SEZ6L: variants seen among roughly 807,000 people sequenced by gnomAD.
SEZ6L encodes the protein seizure 6-like protein.
In SEZ6L, 37 loss-of-function variants were observed where a neutral mutation model predicts 106.2. That is an observed-to-expected ratio of 0.35 (90% CI 0.27 to 0.46). The LOEUF is 0.46. SEZ6L is among the 20% of genes least tolerant of loss of function. The probability of loss-of-function intolerance (pLI) is 1.00; values close to 1 mark genes in which losing one functional copy is unlikely to be tolerated. For missense variants in SEZ6L, 1,172 were observed against 1,332.8 expected (o/e 0.88, Z 1.88); for synonymous variants, 541 against 570.4 (o/e 0.95, Z 0.73).
At chr22:26,234,774 C>A (rs996535304) in intron 1 of SEZ6L, among the ~76,000 whole-genome samples, 1 of 152,240 alleles carries the variant, frequency 6.6e-6, no homozygotes, top group African/African-American at 2.4e-5. Context: ...CAGCCCCTGT[C>A]CTCAGTCTAG....
rs532873383 is a variant in SEZ6L, at chr22:26,176,130, T to C, written c.94+6367T>C. 3.9e-5 allele frequency among the ~76,000 whole-genome samples: 6 copies of C among 152,386 alleles called. No homozygotes were observed. The East Asian group carries it at 5.8e-4, about 15-fold the overall frequency. ...CACGTATTTGATCCTCATGTGTTCC[T>C]ATCAGGTGGTATGATAAACTAGATT... On this transcript the variant is annotated intron_variant, in intron 1 of 16. Coordinates refer to ENST00000248933, the MANE Select transcript of SEZ6L (RefSeq NM_021115.5).
chr22:26,353,150 G>C (rs2083332311), intron 12 of SEZ6L, among the ~76,000 whole-genome samples: 2 of 152,198 alleles, frequency 1.3e-5, no homozygotes, highest in Non-Finnish European at 1.5e-5. Context: ...TTTTTAGTCA[G>C]AGTCCCAGAA....
chr22:26,350,208 A>G (rs2083227425), intron 11 of SEZ6L, among the ~76,000 whole-genome samples: 1 of 129,492 alleles, frequency 7.7e-6, no homozygotes, highest in South Asian at 2.6e-4. Context: ...ATATATATAT[A>G]CACATATATA....
chr22:26,327,800 G>A (rs772185461), intron 9 of SEZ6L, among the ~76,000 whole-genome samples: 12 of 152,150 alleles, frequency 7.9e-5, no homozygotes, highest in Admixed American at 2.6e-4. Flanking sequence ...GTGAGCTCTC[G>A]CACCCTGACT....
At chr22:26,263,176 C>T (rs1336140966) in intron 1 of SEZ6L, among the ~76,000 whole-genome samples, 2 of 152,184 alleles carry the variant, frequency 1.3e-5, no homozygotes, top group African/African-American at 4.8e-5. Context: ...CACAACCACC[C>T]AAGAGGGGGA....
intron 1 of SEZ6L, among the ~76,000 whole-genome samples, chr22:26,197,566 G>A (rs1206671396): frequency 6.6e-6 from 1 of 152,172 alleles, no homozygotes; most frequent in African/African-American, 2.4e-5. Flanking sequence ...TTTCTATTAT[G>A]GAAATGGGGT....
chr22:26,196,565 G>T (rs1370415042), intron 1 of SEZ6L, among the ~76,000 whole-genome samples: 1 of 152,226 alleles, frequency 6.6e-6, no homozygotes, highest in Non-Finnish European at 1.5e-5. Flanking sequence ...CTTAAGAACA[G>T]TGGGAAGGAA....
chr22:26,301,161 T>C (rs543308227), intron 5 of SEZ6L, among the ~76,000 whole-genome samples: 1 of 152,288 alleles, frequency 6.6e-6, no homozygotes, highest in East Asian at 1.9e-4. Flanking sequence ...ACTCAAAGCC[T>C]CCATGTAGAA....
intron 11 of SEZ6L, among the ~76,000 whole-genome samples, chr22:26,350,799 G>A (rs1302035759): frequency 6.6e-6 from 1 of 151,948 alleles, no homozygotes; most frequent in Non-Finnish European, 1.5e-5. Flanking sequence ...TGGGAGTACA[G>A]GCGCCCACCA....
In SEZ6L at chr22:26,361,349, C is replaced by CAAAAA. The variant is rs57714714; in HGVS notation, c.2600-4019_2600-4015dup. Among the ~76,000 whole-genome samples, 131 of 140,342 alleles carry CAAAAA rather than the reference C, an allele frequency of 9.3e-4. 4 individuals are homozygous for CAAAAA. The highest frequency in any genetic ancestry group is 3.1e-3 in the African/African-American group (120 of 38,528). 92.1% of individuals were successfully genotyped at this position (140,342 alleles called of 152,430 possible). ...CCCGTCTCTACTAAAAATACAAAAA[C>CAAAAA]AAAAAAAATCAGCTAGGCTTGGTGG... On this transcript the variant is annotated intron_variant, in intron 12 of 16. Coordinates refer to ENST00000248933, the MANE Select transcript of SEZ6L (RefSeq NM_021115.5).
Position 26,281,245 on chromosome 22 carries a change from C to T in SEZ6L, c.95-11161C>T, listed in dbSNP as rs117286025. ...GAGATATGAGCATATTAGTATGCTC[C>T]GCCCTGCAGCCACGTAATGCACTGC... On this transcript the variant is annotated intron_variant, in intron 1 of 16. Transcript: ENST00000248933. Among the ~76,000 whole-genome samples the T allele has an allele frequency of 2.4e-3, 367 of 152,246 alleles. 9 individuals carry two copies. In the East Asian group the frequency reaches 0.042, roughly 17 times the overall value.
intron 9 of SEZ6L, among the ~76,000 whole-genome samples, chr22:26,320,851 A>G (rs1306968329): frequency 6.6e-6 from 1 of 152,096 alleles, no homozygotes; most frequent in Non-Finnish European, 1.5e-5. Context: ...GGTGCGGGGG[A>G]GAGCACCCCC....
chr22:26,269,824 C>G (rs2080306296), intron 1 of SEZ6L, among the ~76,000 whole-genome samples: 1 of 152,168 alleles, frequency 6.6e-6, no homozygotes, highest in Non-Finnish European at 1.5e-5. Flanking sequence ...GTGGGAAGAT[C>G]AATATTGTAT....
chr22:26,242,448 C>T (rs1025337606), intron 1 of SEZ6L, among the ~76,000 whole-genome samples: 1 of 152,206 alleles, frequency 6.6e-6, no homozygotes, highest in Non-Finnish European at 1.5e-5. Context: ...GTAAGTCCAG[C>T]TCAAGCTCGT....
At chr22:26,186,840 C>A (rs1383158981) in intron 1 of SEZ6L, among the ~76,000 whole-genome samples, 1 of 152,106 alleles carries the variant, frequency 6.6e-6, no homozygotes, top group Non-Finnish European at 1.5e-5. Flanking sequence ...GGAGGACTTG[C>A]TGAGAGGTGT....
chr22:26,216,476 TA>T (rs777272024), intron 1 of SEZ6L, among the ~76,000 whole-genome samples: 11 of 152,092 alleles, frequency 7.2e-5, no homozygotes, highest in Non-Finnish European at 1.3e-4. Flanking sequence ...GCCAACATGG[TA>T]AAACTCTGTC....
intron 1 of SEZ6L, among the ~76,000 whole-genome samples, chr22:26,267,197 G>A (rs1330411796): frequency 1.3e-5 from 2 of 152,206 alleles, no homozygotes; most frequent in African/African-American, 4.8e-5. Flanking sequence ...GGAGATTGAG[G>A]TCACGATGGC....
At chr22:26,315,881 G>A (rs994330330) in intron 9 of SEZ6L, among the ~76,000 whole-genome samples, 1 of 151,806 alleles carries the variant, frequency 6.6e-6, no homozygotes, top group African/African-American at 2.4e-5. Flanking sequence ...AACATAGTGA[G>A]ACCCCATCTT....
intron 13 of SEZ6L, among the ~76,000 whole-genome samples, chr22:26,370,736 G>T (rs2084002910): frequency 6.6e-6 from 1 of 152,072 alleles, no homozygotes; most frequent in Non-Finnish European, 1.5e-5. Flanking sequence ...GGGTGTGGTG[G>T]CTTACACCTG....
Sources: allele counts gnomAD v4.1 joint callset (sites outside exome capture counted in the v4.1 genomes callset), GRCh38; gene constraint gnomAD v4.1.1; transcripts MANE v1.5; gene names NCBI Gene and HGNC (gene_info 2026-07-23, HGNC 2026-07-21).